Variants in NEO1 observed in about 807,000 individuals in gnomAD.
NEO1 encodes neogenin.
NEO1 carries 63 observed loss-of-function variants against 159.7 expected under a neutral mutation model. The observed-to-expected ratio is 0.39, with a 90% CI of 0.32 to 0.49. NEO1 has a LOEUF of 0.49. Among genes scored for constraint, NEO1 ranks in the 20% least tolerant of loss-of-function variants. The pLI, the probability that NEO1 is intolerant of heterozygous loss-of-function variation, is 0.85. For synonymous variants in NEO1, 633 were observed against 662.0 expected (o/e 0.96, Z 0.67); for missense variants, 1,615 against 1,831.0 (o/e 0.88, Z 2.15).
At chr15:73,148,489 A>G (rs541054535) in intron 5 of NEO1, among the ~76,000 whole-genome samples, 2 of 152,336 alleles carry the variant, frequency 1.3e-5, no homozygotes, top group African/African-American at 4.8e-5. Context: ...AGTGAAAAGA[A>G]TATCTAAAAC....
At chr15:73,288,125 A>G (rs1019298247) in intron 23 of NEO1, among the ~76,000 whole-genome samples, 188 bp from the exon 24 acceptor site, 2 of 152,224 alleles carry the variant, frequency 1.3e-5, no homozygotes, top group Non-Finnish European at 2.9e-5. Context: ...AAATAGAGAT[A>G]CATTTACTCT....
chr15:73,210,674 A>T (rs1410091843), intron 7 of NEO1, among the ~76,000 whole-genome samples: 1 of 152,226 alleles, frequency 6.6e-6, no homozygotes, highest in Admixed American at 6.5e-5. Context: ...ATATGCATTT[A>T]TATTATATAC....
In NEO1 at chr15:73,158,747, A is replaced by C. The variant is rs193281855; in HGVS notation, c.1016-17656A>C. 2.1e-3 allele frequency among the ~76,000 whole-genome samples: 321 copies of C among 152,328 alleles called. 1 individual carries two copies. Among genetic ancestry groups the C allele is most frequent in the African/African-American group, 7.4e-3 (306 of 41,582 alleles). Reference sequence around the variant, plus strand: ...GATAACATATGAAGATGTTCTAGAAAGGATATATAGTGAAATATTACTGCT... The same window carrying C: ...GATAACATATGAAGATGTTCTAGAACGGATATATAGTGAAATATTACTGCT... On this transcript the variant is annotated intron_variant, in intron 5 of 28. Transcript: ENST00000261908.
Position 73,176,501 on chromosome 15 carries a change from G to C in NEO1, c.1114G>C (p.Val372Leu). Reference sequence around the variant, plus strand: ...AGTGACTGGAAAACCAACTCCAACTGTGAAGTGGGTCAAAAATGGGGATAT... The same window carrying C: ...AGTGACTGGAAAACCAACTCCAACTCTGAAGTGGGTCAAAAATGGGGATAT... ...CEVTGKPTPT[V>L]KWVKNGDMVI... Residue 372 changes from valine to leucine, a missense_variant, in exon 6 of 29, where the codon GTG becomes CTG. This residue lies in a region of NEO1 where 1,018 missense variants were observed against 1,115.4 expected (regional missense o/e 0.91). Transcript: ENST00000261908. The C allele has an allele frequency of 6.2e-7, 1 of 1,611,946 alleles. No individual in the cohort carries two copies. The highest frequency in any genetic ancestry group is 8.5e-7 in the Non-Finnish European group (1 of 1,178,870).
intron 13 of NEO1, among the ~76,000 whole-genome samples, chr15:73,258,220 A>T (rs927592072): frequency 3.9e-5 from 6 of 152,226 alleles, no homozygotes; most frequent in African/African-American, 1.4e-4. Flanking sequence ...TACTTACTAT[A>T]TAATATATGA....
At chr15:73,080,106 G>A (rs747703689) in intron 1 of NEO1, among the ~76,000 whole-genome samples, 3 of 152,114 alleles carry the variant, frequency 2.0e-5, no homozygotes, top group Non-Finnish European at 4.4e-5. Context: ...ATAATTGATG[G>A]CAATAAGCTT....
At position 73,288,560 on chromosome 15, in the gene NEO1, T is replaced by C. The variant is rs1256173742; in HGVS notation, c.3649+9T>C. ...GCGAAATTCATACAGAGGTACCATT[T>C]TAAGTGCAGGTTTTTTCTCAAATGT... On this transcript the variant is annotated intron_variant, in intron 24 of 28. Coordinates refer to ENST00000261908, the MANE Select transcript of NEO1 (RefSeq NM_002499.4). 4 of 1,604,112 alleles carry C rather than the reference T, an allele frequency of 2.5e-6. No individual in the cohort carries two copies. Among genetic ancestry groups the C allele is most frequent in the Non-Finnish European group, 3.4e-6 (4 of 1,171,466 alleles).
chr15:73,236,492 G>C lies in NEO1; in HGVS notation c.1437G>C (p.Lys479Asn). 6.2e-7 allele frequency: 1 copy of C among 1,613,988 alleles called. No individual in the cohort carries two copies. The highest frequency in any genetic ancestry group is 8.5e-7 in the Non-Finnish European group (1 of 1,179,914). ...TTACCTACTCTGTGTTCTACACCAA[G>C]GAAGGGATTGCTAGGTAAGTGCCTG... is the stretch of plus-strand genomic sequence containing the variant. ...DNLTYSVFYT[K>N]EGIARERVEN... The change falls in exon 8 of 29, where the codon AAG becomes AAC. Residue 479 changes from lysine (K) to asparagine (N), a missense_variant. Around this residue, in one of 3 missense-constraint regions of NEO1, gnomAD observed 1,018 missense variants for 1,115.4 expected, o/e 0.91. Transcript: ENST00000261908.
intron 1 of NEO1, among the ~76,000 whole-genome samples, chr15:73,089,462 C>T (rs2069554459): frequency 6.6e-6 from 1 of 152,030 alleles, no homozygotes; most frequent in Non-Finnish European, 1.5e-5. Context: ...TCCTGGGCAT[C>T]TACCTCACCA....
At position 73,245,982 on chromosome 15, in the gene NEO1, T is replaced by G. The variant is rs1195725818; in HGVS notation, c.1606+1484T>G. Among the ~76,000 whole-genome samples, 13 of 152,082 alleles carry G rather than the reference T, an allele frequency of 8.5e-5. No homozygotes were observed. The East Asian group carries it at 2.5e-3, about 29-fold the overall frequency. ...AAAATATTTTACTTTGGGTAGAGAG[T>G]ATTTTAGATATATTTGTAGAGGCTA... On this transcript the variant is annotated intron_variant, in intron 9 of 28. Transcript: ENST00000261908.
chr15:73,245,032 G>GTGTTCATA (rs2039713080), intron 9 of NEO1, among the ~76,000 whole-genome samples: 1 of 145,888 alleles, frequency 6.9e-6, no homozygotes, highest in African/African-American at 2.6e-5. Context: ...GCTTTTCTAC[G>GTGTTCATA]TGTTCATATT....
intron 1 of NEO1, among the ~76,000 whole-genome samples, chr15:73,111,799 T>C (rs2071006668): frequency 6.6e-6 from 1 of 151,994 alleles, no homozygotes; most frequent in Non-Finnish European, 1.5e-5. Flanking sequence ...TTTTGTCTTG[T>C]TTTGTTTTGT....
intron 5 of NEO1, among the ~76,000 whole-genome samples, chr15:73,168,155 G>A (rs1567368405): frequency 6.6e-6 from 1 of 152,042 alleles, no homozygotes; most frequent in Non-Finnish European, 1.5e-5. Flanking sequence ...GTGAGGGACT[G>A]TGTGTCAGGA....
intron 7 of NEO1, among the ~76,000 whole-genome samples, chr15:73,225,215 G>C (rs930807729): frequency 2.0e-5 from 3 of 152,162 alleles, no homozygotes; most frequent in Admixed American, 1.3e-4. Context: ...TGGCAGGGGG[G>C]TGAAATGGAC....
At chr15:73,179,311 T>C (rs1355670017) in intron 7 of NEO1, among the ~76,000 whole-genome samples, 1 of 152,138 alleles carries the variant, frequency 6.6e-6, no homozygotes, top group Non-Finnish European at 1.5e-5. Context: ...AAGAGGCCCC[T>C]CTTTTTACGG....
intron 14 of NEO1, among the ~76,000 whole-genome samples, chr15:73,260,067 C>CTT (rs11327718): frequency 2.2e-5 from 3 of 136,364 alleles, no homozygotes; most frequent in South Asian, 2.3e-4. Flanking sequence ...CTGTTCAGGT[C>CTT]TTTTTTTTTT....
intron 5 of NEO1, among the ~76,000 whole-genome samples, chr15:73,174,249 G>A (rs1045301482): frequency 3.9e-5 from 6 of 152,184 alleles, no homozygotes; most frequent in African/African-American, 1.4e-4. Context: ...GAAGACTGTT[G>A]TTCAGACCTT....
chr15:73,211,159 C>G (rs970655374), intron 7 of NEO1, among the ~76,000 whole-genome samples: 1 of 152,176 alleles, frequency 6.6e-6, no homozygotes, highest in African/African-American at 2.4e-5. Flanking sequence ...GACCGAATAA[C>G]TAGTACTGGA....
At chr15:73,208,633 A>G (rs2037372729) in intron 7 of NEO1, among the ~76,000 whole-genome samples, 1 of 152,182 alleles carries the variant, frequency 6.6e-6, no homozygotes. Flanking sequence ...AGGCAGGGGC[A>G]CATGGATCAC....
Sources: gnomAD v4.1 joint callset for allele counts (sites outside exome capture counted in the v4.1 genomes callset) on GRCh38, gnomAD v4.1.1 for gene constraint, gnomAD v4.1.1 regional missense constraint, MANE v1.5 for transcripts, NCBI Gene and HGNC (gene_info 2026-07-23, HGNC 2026-07-21) for gene names.